Variants in ZMYND8 observed in about 807,000 individuals in gnomAD.
The protein encoded by ZMYND8 is zinc finger MYND-type containing 8.
A neutral mutation model predicts 140.8 loss-of-function variants in ZMYND8; 37 were observed. That is an observed-to-expected ratio of 0.26 (90% CI 0.20 to 0.35). ZMYND8 has a LOEUF of 0.35. Among genes scored for constraint, ZMYND8 ranks in the 10% least tolerant of loss-of-function variants. The probability of loss-of-function intolerance (pLI) is 1.00; values close to 1 mark genes in which losing one functional copy is unlikely to be tolerated. For missense variants in ZMYND8, 1,068 were observed against 1,570.0 expected, an observed-to-expected ratio of 0.68 and a Z score of 5.40; for synonymous variants, 592 against 597.1, an observed-to-expected ratio of 0.99 and a Z score of 0.12.
intron 2 of ZMYND8, among the ~76,000 whole-genome samples, chr20:47,314,729 C>T (rs2079239583): frequency 6.6e-6 from 1 of 152,142 alleles, no homozygotes; most frequent in Non-Finnish European, 1.5e-5. Context: ...AGCCAATGGC[C>T]TCTACTTCCA....
chr20:47,231,661 C>T (rs556229348), intron 16 of ZMYND8, among the ~76,000 whole-genome samples: 1 of 152,322 alleles, frequency 6.6e-6, no homozygotes, highest in South Asian at 2.1e-4. Flanking sequence ...ATTTCCGCTC[C>T]CGGCTTGCTG....
chr20:47,276,272 T>C (rs778376624), intron 11 of ZMYND8, 42 bp downstream of exon 11: 1 of 1,494,300 alleles, frequency 6.7e-7, no homozygotes, highest in Non-Finnish European at 8.9e-7. Flanking sequence ...GAAACCCCCG[T>C]GTCCAAGGGG....
At chr20:47,280,875 C>G (rs903311074) in intron 10 of ZMYND8, among the ~76,000 whole-genome samples, 32 of 152,174 alleles carry the variant, frequency 2.1e-4, no homozygotes, top group Admixed American at 1.9e-3. Flanking sequence ...TTCCTGAACC[C>G]TCTCAGCCTC....
At chr20:47,323,186 G>A (rs1025549548) in intron 2 of ZMYND8, among the ~76,000 whole-genome samples, 1 of 152,122 alleles carries the variant, frequency 6.6e-6, no homozygotes, top group African/African-American at 2.4e-5. Flanking sequence ...GGGGGAAGAG[G>A]GGGCCAGGGC....
chr20:47,318,364 T>C, intron 2 of ZMYND8: 1 of 295,534 alleles, frequency 3.4e-6, no homozygotes, highest in South Asian at 3.1e-5. Flanking sequence ...CAGAGCATGG[T>C]TAATCACTTC....
At chr20:47,275,494 C>CAA (rs762708679) in intron 11 of ZMYND8, among the ~76,000 whole-genome samples, 76 of 112,504 alleles carry the variant, frequency 6.8e-4, no homozygotes, top group East Asian at 1.3e-3. Flanking sequence ...ACTATGTCTC[C>CAA]AAAAAAAAAA....
At chr20:47,350,226 T>C (rs2082656561) in intron 1 of ZMYND8, among the ~76,000 whole-genome samples, 1 of 148,148 alleles carries the variant, frequency 6.8e-6, no homozygotes, top group Non-Finnish European at 1.5e-5. Context: ...CAGCAAACCA[T>C]CCTTTCAAAA....
chr20:47,290,474 T>TA (rs2077183295), intron 6 of ZMYND8, among the ~76,000 whole-genome samples, 200 bp from the exon 7 acceptor site: 1 of 152,038 alleles, frequency 6.6e-6, no homozygotes, highest in African/African-American at 2.4e-5. Flanking sequence ...TATAACCCTA[T>TA]AAAAATGCAC....
Position 47,210,888 on chromosome 20 carries a change from C to T in ZMYND8, c.3578G>A (p.Arg1193Gln), listed in dbSNP as rs529571345. Residue 1193 changes from arginine (R) to glutamine (Q), a missense_variant, in exon 23 of 23, where the codon CGG (arginine) becomes CAG (glutamine). Arg to Gln is a conservative substitution (Grantham distance 43, BLOSUM62 1). Coordinates refer to ENST00000471951, the MANE Select transcript of ZMYND8 (RefSeq NM_001281775.3). ...GCTGCTCCAACTGGATTTATTACTC[C>T]GGGAATGGTCTGAGGGGGAAAACCA... ...PNYPAQKYHS[R>Q]SNKSSWSSSD... 2.6e-5 allele frequency: 42 copies of T among 1,613,702 alleles called. 2 individuals are homozygous for T. The highest frequency in any genetic ancestry group is 1.8e-4 in the South Asian group (16 of 91,078).
At chr20:47,229,687 C>T in intron 17 of ZMYND8, 39 bp downstream of exon 17, 1 of 1,594,464 alleles carries the variant, frequency 6.3e-7, no homozygotes. Context: ...GCCCACAAAA[C>T]ACTCTTAGCA....
intron 2 of ZMYND8, among the ~76,000 whole-genome samples, chr20:47,314,109 G>A (rs987509425): frequency 4.6e-5 from 7 of 152,170 alleles, no homozygotes; most frequent in Non-Finnish European, 8.8e-5. Flanking sequence ...AGGGGTGCCT[G>A]CAGGGAGTCC....
chr20:47,308,187 A>ATG (rs1401850760), intron 3 of ZMYND8, among the ~76,000 whole-genome samples: 2 of 144,872 alleles, frequency 1.4e-5, no homozygotes, highest in Non-Finnish European at 3.0e-5. Flanking sequence ...GAAGAACCAC[A>ATG]TGTGACCTGT....
At chr20:47,305,044 A>T (rs550404511) in intron 3 of ZMYND8, among the ~76,000 whole-genome samples, 23 of 151,776 alleles carry the variant, frequency 1.5e-4, no homozygotes, top group Non-Finnish European at 3.1e-4. Context: ...GGAGTCCGCG[A>T]CCAGCCTGGG....
intron 11 of ZMYND8, among the ~76,000 whole-genome samples, chr20:47,265,631 C>T (rs6066256): frequency 0.24 from 35,862 of 152,006 alleles, 4,623 homozygotes; most frequent in Non-Finnish European, 0.29. Flanking sequence ...TTAGTAGAGA[C>T]GGGGTTTTGC....
In ZMYND8 at chr20:47,298,148, A is replaced by G. The variant is rs1356244768; in HGVS notation, c.453+581T>C. 2.0e-6 allele frequency: 1 copy of G among 509,734 alleles called. No individual in the cohort carries two copies. The highest frequency in any genetic ancestry group is 2.5e-6 in the Non-Finnish European group (1 of 395,510). The allele number at this position is 509,734 out of a possible 1,614,324, so 31.6% of individuals were successfully genotyped here. A position where few individuals can be genotyped will look rare whatever the true frequency, so the allele number is the denominator to read the frequency against. Reference sequence around the variant, plus strand: ...CTTTTCTTTTAATTCATTATATGGAACTTTATTTATTTTGGTTTTTGTCCT... The same window carrying G: ...CTTTTCTTTTAATTCATTATATGGAGCTTTATTTATTTTGGTTTTTGTCCT... On this transcript the variant is annotated intron_variant, in intron 4 of 22. Transcript: ENST00000471951. This position sits in a 1 kb window ranked among gnomAD's most constrained non-coding sequence, Gnocchi z 5.0.
chr20:47,243,321 G>C (rs183353906), intron 14 of ZMYND8, among the ~76,000 whole-genome samples: 1 of 152,174 alleles, frequency 6.6e-6, no homozygotes, highest in Non-Finnish European at 1.5e-5. Flanking sequence ...ACCACCATCA[G>C]CTCTGAATTT....
chr20:47,353,348 G>C (rs944253768), intron 1 of ZMYND8: 1 of 152,222 alleles, frequency 6.6e-6, no homozygotes, highest in Non-Finnish European at 1.5e-5. Flanking sequence ...TATAATCCAA[G>C]AGGCCCCCAA....
chr20:47,257,647 TATACTC>T (rs1243570169), intron 12 of ZMYND8, among the ~76,000 whole-genome samples: 2 of 152,052 alleles, frequency 1.3e-5, no homozygotes, highest in Admixed American at 6.6e-5. Flanking sequence ...CACACATACA[TATACTC>T]ATACCATATA....
chr20:47,289,631 C>CAA (rs553430443), intron 7 of ZMYND8, among the ~76,000 whole-genome samples: 3 of 147,816 alleles, frequency 2.0e-5, no homozygotes, highest in African/African-American at 7.5e-5. Flanking sequence ...AAATCAGCAA[C>CAA]AAAAAAAAAG....
Sources: gnomAD v4.1 joint callset for allele counts (sites outside exome capture counted in the v4.1 genomes callset) on GRCh38, gnomAD v4.1.1 for gene constraint, Gnocchi (gnomAD v3.1) non-coding constraint, MANE v1.5 for transcripts, NCBI Gene and HGNC (gene_info 2026-07-23, HGNC 2026-07-21) for gene names.